MRPS31: variants seen among roughly 807,000 people sequenced by gnomAD.
The protein encoded by MRPS31 is mitochondrial ribosomal protein S31, also known as small ribosomal subunit protein mS31.
In MRPS31, 32 loss-of-function variants were observed where a neutral mutation model predicts 43.1. The ratio of observed to expected loss-of-function variants is 0.74; its 90% CI spans 0.56 to 1.00. The LOEUF (loss-of-function observed/expected upper bound fraction) is 1.00, where lower values mean the gene tolerates loss of function less well. MRPS31 is among the 50% of genes least tolerant of loss of function. The pLI, the probability that MRPS31 is intolerant of heterozygous loss-of-function variation, is 0.00. For synonymous variants in MRPS31, 165 were observed against 161.6 expected, an observed-to-expected ratio of 1.02 and a Z score of -0.16; for missense variants, 437 against 466.7, an observed-to-expected ratio of 0.94 and a Z score of 0.59.
intron 5 of MRPS31, among the ~76,000 whole-genome samples, chr13:40,751,958 A>C (rs1445947148): frequency 6.6e-6 from 1 of 152,140 alleles, no homozygotes. Context: ...TGGTTCCTTC[A>C]AGACTCTCAA....
chr13:40,766,292 T>TTTG (rs199768165), intron 2 of MRPS31, among the ~76,000 whole-genome samples: 6,811 of 152,182 alleles, frequency 0.045, 310 homozygotes, highest in East Asian at 0.14. Context: ...TAATTATTAT[T>TTTG]TTGTTGTTGT....
At chr13:40,736,357 G>A (rs1040526797) in intron 6 of MRPS31, among the ~76,000 whole-genome samples, 1 of 151,624 alleles carries the variant, frequency 6.6e-6, no homozygotes, top group African/African-American at 2.4e-5. Flanking sequence ...AAAACACTCT[G>A]CAGGATATTA....
At chr13:40,760,302 G>A (rs1028189595) in intron 2 of MRPS31, among the ~76,000 whole-genome samples, 2 of 151,860 alleles carry the variant, frequency 1.3e-5, no homozygotes, top group Non-Finnish European at 2.9e-5. Flanking sequence ...TAAGTGTGTG[G>A]GTCACAGGGA....
intron 4 of MRPS31, 24 bp downstream of exon 4, chr13:40,756,849 C>T: frequency 1.2e-6 from 2 of 1,611,072 alleles, no homozygotes; most frequent in African/African-American, 1.3e-5. Context: ...CAAACAAAAC[C>T]CAGCAGATTA....
rs9577140 is a variant in MRPS31 at position 40,758,748 on chromosome 13, T to C, written c.599+200A>G. 2.0e-3 allele frequency among the ~76,000 whole-genome samples: 305 copies of C among 152,370 alleles called. 4 individuals are homozygous for C. In the East Asian group the frequency reaches 0.047, roughly 24 times the overall value. On this transcript the variant is annotated intron_variant, in intron 3 of 6. Transcript: ENST00000323563. ...ACTGTAACTTCCTAAAAGGAAACTT[T>C]ATTCAATTGTTTTTTTAAAAACTAT...
At chr13:40,764,647 C>T (rs975911871) in intron 2 of MRPS31, among the ~76,000 whole-genome samples, 2 of 152,168 alleles carry the variant, frequency 1.3e-5, no homozygotes, top group Non-Finnish European at 2.9e-5. Flanking sequence ...TGGAACCCAG[C>T]CACCATGCAG....
intron 6 of MRPS31, among the ~76,000 whole-genome samples, chr13:40,743,091 C>T (rs1054976286): frequency 1.3e-5 from 2 of 152,130 alleles, no homozygotes; most frequent in African/African-American, 4.8e-5. Flanking sequence ...GCAGGCAGAT[C>T]ACCTGAGGTC....
At position 40,756,994 on chromosome 13, in the gene MRPS31, C is replaced by G. The variant is rs749721896; in HGVS notation, c.619G>C (p.Asp207His). 2 of 1,611,328 alleles carry G rather than the reference C, an allele frequency of 1.2e-6. No homozygotes were observed. The highest frequency in any genetic ancestry group is 1.7e-6 in the Non-Finnish European group (2 of 1,178,808). ...PKISFSNIIS[D>H]MKVARSATAR... is the part of the protein sequence containing the mutation. ...GTAGCAGATCTGGCAACTTTCATAT[C>G]TGATATTATGTTACTGAAACTGAAA... is the stretch of plus-strand genomic sequence containing the variant. The change falls in exon 4 of 7, where the codon GAT (aspartate) becomes CAT (histidine). Residue 207 changes from aspartate (D) to histidine (H), a missense_variant. Asp to His is a moderately conservative substitution (Grantham distance 81, BLOSUM62 -1). Coordinates refer to ENST00000323563, the MANE Select transcript of MRPS31 (RefSeq NM_005830.4).
At chr13:40,747,775 G>A (rs1180410585) in intron 6 of MRPS31, among the ~76,000 whole-genome samples, 6 of 151,996 alleles carry the variant, frequency 3.9e-5, no homozygotes, top group Non-Finnish European at 5.9e-5. Flanking sequence ...CCCGGGAGGA[G>A]GAGGTTGCAG....
At chr13:40,767,659 G>A (rs1880888796) in intron 1 of MRPS31, among the ~76,000 whole-genome samples, 1 of 152,144 alleles carries the variant, frequency 6.6e-6, no homozygotes, top group Non-Finnish European at 1.5e-5. Context: ...GGAGGTCTGG[G>A]GGTGCTGGTG....
In MRPS31 at chr13:40,771,169, T is replaced by G. The variant is rs960616885; in HGVS notation, c.-33A>C. The G allele has an allele frequency of 6.4e-7, 1 of 1,560,828 alleles. No homozygotes were observed. The highest frequency in any genetic ancestry group is 1.2e-5 in the South Asian group (1 of 84,650). On this transcript the variant is annotated 5_prime_UTR_variant, in exon 1 of 7. Coordinates refer to ENST00000323563, the MANE Select transcript of MRPS31 (RefSeq NM_005830.4). ...ACACGAAATGAACCAAGAACACAAC[T>G]GAAATGGTGCGTCCCGCTGCCAAAC...
At chr13:40,745,230 CATTTT>C (rs761716477) in intron 6 of MRPS31, among the ~76,000 whole-genome samples, 23 of 151,940 alleles carry the variant, frequency 1.5e-4, no homozygotes, top group Non-Finnish European at 2.6e-4. Context: ...CCATATTTTG[CATTTT>C]ATTTTATTTT....
At chr13:40,768,852 T>C (rs1274292233) in intron 1 of MRPS31, among the ~76,000 whole-genome samples, 1 of 152,218 alleles carries the variant, frequency 6.6e-6, no homozygotes, top group African/African-American at 2.4e-5. Flanking sequence ...CTATGTATGT[T>C]ACTTAATCCT....
intron 6 of MRPS31, among the ~76,000 whole-genome samples, chr13:40,741,343 C>T (rs897462660): frequency 2.0e-5 from 3 of 152,124 alleles, no homozygotes; most frequent in Admixed American, 6.6e-5. Context: ...AAACATATTT[C>T]CAACACATGT....
At chr13:40,742,440 T>G (rs1305304017) in intron 6 of MRPS31, among the ~76,000 whole-genome samples, 1 of 152,234 alleles carries the variant, frequency 6.6e-6, no homozygotes, top group African/African-American at 2.4e-5. Context: ...TCCACTTCTA[T>G]GTATTATCAA....
intron 6 of MRPS31, among the ~76,000 whole-genome samples, chr13:40,744,392 G>A (rs1222692383): frequency 6.6e-6 from 1 of 152,014 alleles, no homozygotes; most frequent in Non-Finnish European, 1.5e-5. Context: ...ACACAAATTA[G>A]AGACACAAAT....
intron 6 of MRPS31, among the ~76,000 whole-genome samples, chr13:40,748,718 G>GC (rs1228829515): frequency 1.3e-5 from 2 of 152,142 alleles, no homozygotes; most frequent in Non-Finnish European, 2.9e-5. Context: ...CCTCATTAAT[G>GC]CAATGGTTTT....
At chr13:40,747,286 G>A (rs529481037) in intron 6 of MRPS31, among the ~76,000 whole-genome samples, 1 of 152,080 alleles carries the variant, frequency 6.6e-6, no homozygotes, top group African/African-American at 2.4e-5. Context: ...ATGAGGATTT[G>A]GAACACCCAA....
chr13:40,756,432 C>G (rs1341945421), intron 4 of MRPS31, among the ~76,000 whole-genome samples: 1 of 152,156 alleles, frequency 6.6e-6, no homozygotes, highest in Non-Finnish European at 1.5e-5. Flanking sequence ...TCCTGCCTTT[C>G]CTTCTTCTCA....
Sources: allele counts gnomAD v4.1 joint callset (sites outside exome capture counted in the v4.1 genomes callset), GRCh38; gene constraint gnomAD v4.1.1; transcripts MANE v1.5; gene names NCBI Gene and HGNC (gene_info 2026-07-23, HGNC 2026-07-21).